TMEM132D: variants seen among roughly 807,000 people sequenced by gnomAD.
TMEM132D encodes mature OL transmembrane protein.
In TMEM132D, 21 loss-of-function variants were observed where a neutral mutation model predicts 62.3. That is an observed-to-expected ratio of 0.34 (90% CI 0.24 to 0.49). TMEM132D has a LOEUF of 0.49. TMEM132D is among the 20% of genes least tolerant of loss of function. TMEM132D has a pLI of 0.99. For synonymous variants in TMEM132D, 621 were observed against 575.6 expected (o/e 1.08, Z -1.13); for missense variants, 1,346 against 1,402.8 (o/e 0.96, Z 0.65).
At chr12:129,568,927 A>C (rs77442123) in intron 2 of TMEM132D, among the ~76,000 whole-genome samples, 1 of 152,326 alleles carries the variant, frequency 6.6e-6, no homozygotes, top group African/African-American at 2.4e-5. Flanking sequence ...CCTGGCATCC[A>C]TAAGAGTCAC....
At chr12:129,130,489 T>C (rs1368733650) in intron 5 of TMEM132D, among the ~76,000 whole-genome samples, 2 of 152,132 alleles carry the variant, frequency 1.3e-5, no homozygotes, top group Admixed American at 6.5e-5. Context: ...CTAACCACCG[T>C]CCGCGGTCTG....
chr12:129,324,067 T>C (rs1281099895), intron 4 of TMEM132D, among the ~76,000 whole-genome samples: 1 of 152,182 alleles, frequency 6.6e-6, no homozygotes, highest in Non-Finnish European at 1.5e-5. Context: ...CAGCTTCTGC[T>C]CCTTTCTATT....
chr12:129,588,935 C>T (rs1433427168), intron 2 of TMEM132D, among the ~76,000 whole-genome samples: 1 of 152,010 alleles, frequency 6.6e-6, no homozygotes, highest in Non-Finnish European at 1.5e-5. Context: ...GAATGCCTTC[C>T]TTCAGCCGTG....
intron 3 of TMEM132D, among the ~76,000 whole-genome samples, chr12:129,470,739 A>AT (rs1267801947): frequency 6.6e-6 from 1 of 152,240 alleles, no homozygotes; most frequent in East Asian, 1.9e-4. Flanking sequence ...GACATAAGAA[A>AT]TTGACATTTA....
chr12:129,572,717 G>A (rs936557204), intron 2 of TMEM132D, among the ~76,000 whole-genome samples: 1 of 152,052 alleles, frequency 6.6e-6, no homozygotes, highest in Non-Finnish European at 1.5e-5. Context: ...CCAAAGTGCT[G>A]GGATTACAAG....
intron 3 of TMEM132D, among the ~76,000 whole-genome samples, chr12:129,505,852 T>A (rs941899682): frequency 6.6e-6 from 1 of 152,186 alleles, no homozygotes; most frequent in Non-Finnish European, 1.5e-5. Context: ...TCCCGCTTGC[T>A]TTTGGTGTCC....
chr12:129,402,553 C>CA (rs535390565), intron 3 of TMEM132D, among the ~76,000 whole-genome samples: 23 of 152,248 alleles, frequency 1.5e-4, no homozygotes, highest in Non-Finnish European at 3.2e-4. Context: ...CCCTTTGGTA[C>CA]AAGGACAGGC....
intron 2 of TMEM132D, among the ~76,000 whole-genome samples, chr12:129,681,228 C>T (rs1565947105): frequency 2.0e-5 from 3 of 152,186 alleles, no homozygotes; most frequent in Non-Finnish European, 4.4e-5. Flanking sequence ...GTTTATTTAT[C>T]ACTACTTATC....
At chr12:129,865,490 C>T (rs1448094039) in intron 1 of TMEM132D, among the ~76,000 whole-genome samples, 1 of 152,214 alleles carries the variant, frequency 6.6e-6, no homozygotes, top group East Asian at 1.9e-4. Flanking sequence ...AGCCTGCAAT[C>T]ATACAACTTC....
At chr12:129,622,516 C>G (rs887711161) in intron 2 of TMEM132D, among the ~76,000 whole-genome samples, 3 of 152,222 alleles carry the variant, frequency 2.0e-5, no homozygotes, top group Non-Finnish European at 2.9e-5. Flanking sequence ...CTAGCCAGAT[C>G]TAACTTCTCT....
At chr12:129,694,253 C>T (rs1282127298) in intron 2 of TMEM132D, among the ~76,000 whole-genome samples, 1 of 152,152 alleles carries the variant, frequency 6.6e-6, no homozygotes, top group East Asian at 1.9e-4. Flanking sequence ...GGCACTTTGC[C>T]TCTGTGGTTT....
At chr12:129,415,734 C>A (rs1029719088) in intron 3 of TMEM132D, among the ~76,000 whole-genome samples, 1 of 152,204 alleles carries the variant, frequency 6.6e-6, no homozygotes, top group Non-Finnish European at 1.5e-5. Flanking sequence ...GGCCACAAAG[C>A]TCACTGAGGA....
intron 3 of TMEM132D, among the ~76,000 whole-genome samples, chr12:129,524,920 C>CTCTTTTTTTTTTTTTTTTTT (rs1875968778): frequency 1.1e-5 from 1 of 92,170 alleles, no homozygotes; most frequent in African/African-American, 4.4e-5. Flanking sequence ...ATATTTTTTT[C>CTCTTTTTTTTTTTTTTTTTT]TTTTTTCTTT....
chr12:129,581,958 C>T (rs1221927336), intron 2 of TMEM132D, among the ~76,000 whole-genome samples: 2 of 152,178 alleles, frequency 1.3e-5, no homozygotes, highest in African/African-American at 2.4e-5. Context: ...CAAGTCATCC[C>T]ATTTGCCCAG....
intron 1 of TMEM132D, among the ~76,000 whole-genome samples, chr12:129,814,611 C>CAAAAAAAAAAAAAAAAAAAAACAAAAA (rs34979485): frequency 1.1e-5 from 1 of 94,610 alleles, no homozygotes; most frequent in Non-Finnish European, 1.9e-5. Flanking sequence ...AACTCCCTCT[C>CAAAAAAAAAAAAAAAAAAAAACAAAAA]AAAAAAAAAA....
chr12:129,901,297 T>C (rs1032650676), intron 1 of TMEM132D, among the ~76,000 whole-genome samples: 31 of 152,338 alleles, frequency 2.0e-4, no homozygotes, highest in African/African-American at 7.5e-4. Flanking sequence ...ATGAACACAT[T>C]GGGAAAAGAA....
intron 3 of TMEM132D, among the ~76,000 whole-genome samples, chr12:129,356,078 G>A (rs889711751): frequency 3.3e-5 from 5 of 152,028 alleles, no homozygotes; most frequent in Non-Finnish European, 7.3e-5. Context: ...TCTCCTGGAA[G>A]CGCTTCCTTC....
intron 3 of TMEM132D, among the ~76,000 whole-genome samples, chr12:129,419,768 C>A (rs945740656): frequency 1.3e-5 from 2 of 152,046 alleles, no homozygotes; most frequent in Non-Finnish European, 2.9e-5. Flanking sequence ...CCATTGGAAG[C>A]AGTTGTCTGC....
chr12:129,610,740 T>C (rs370164871), intron 2 of TMEM132D, among the ~76,000 whole-genome samples: 1 of 146,054 alleles, frequency 6.8e-6, no homozygotes, highest in East Asian at 2.0e-4. Flanking sequence ...GATGTTAACA[T>C]AAAAAAAAAA....
Sources: allele counts gnomAD v4.1 joint callset (sites outside exome capture counted in the v4.1 genomes callset), GRCh38; gene constraint gnomAD v4.1.1; transcripts MANE v1.5; gene names NCBI Gene and HGNC (gene_info 2026-07-23, HGNC 2026-07-21).